Variants in INPP5A observed in about 807,000 individuals in gnomAD.
INPP5A encodes the protein 43 kDa inositol polyphosphate 5-phophatase.
Under a neutral mutation model 65.2 loss-of-function variants are expected in INPP5A, and 14 were observed. The ratio of observed to expected loss-of-function variants is 0.21; its 90% confidence interval spans 0.14 to 0.34. The LOEUF (loss-of-function observed/expected upper bound fraction) is 0.34, where lower values mean the gene tolerates loss of function less well. Ranked by LOEUF, INPP5A falls within the 10% of genes least tolerant of loss-of-function variation. The probability of loss-of-function intolerance (pLI) is 1.00; values close to 1 mark genes in which losing one functional copy is unlikely to be tolerated. For missense variants in INPP5A, 431 were observed against 545.6 expected, an observed-to-expected ratio of 0.79 and a Z score of 2.09; for synonymous variants, 207 against 208.3, an observed-to-expected ratio of 0.99 and a Z score of 0.05.
At chr10:132,692,792 A>G (rs1175163649) in intron 5 of INPP5A, among the ~76,000 whole-genome samples, 2 of 152,242 alleles carry the variant, frequency 1.3e-5, no homozygotes, top group African/African-American at 4.8e-5. Flanking sequence ...AAGAAATGCT[A>G]AAAGAAGCTC....
At position 132,697,913 on chromosome 10, in the gene INPP5A, C is replaced by A; in HGVS notation, c.468C>A (p.Phe156Leu). The change falls in exon 6 of 16, where the codon TTC (phenylalanine) becomes TTA (leucine). Residue 156 changes from phenylalanine to leucine, a missense_variant. Coordinates refer to ENST00000368594, the MANE Select transcript of INPP5A (RefSeq NM_005539.5). This position sits in a 1 kb window ranked among gnomAD's most constrained non-coding sequence, Gnocchi z 5.6. ...AGGAGAAGTTTCCGCAGGACTACTT[C>A]CCCGAGGTACGTAGCGAGGCTTTCT... Reference protein sequence around the residue: ...LEKEKFPQDYFPECKWSRKGF... With the variant: ...LEKEKFPQDYLPECKWSRKGF... 1 of 1,605,872 alleles carries A rather than the reference C, an allele frequency of 6.2e-7. No homozygotes were observed.
At chr10:132,611,966 A>G (rs1287579153) in intron 2 of INPP5A, among the ~76,000 whole-genome samples, 124 of 51,864 alleles carry the variant, frequency 2.4e-3, no homozygotes, top group African/African-American at 8.7e-3. Context: ...GGAGGTGAGG[A>G]GGGCAGGGGA....
chr10:132,567,784 A>G (rs754953240), intron 1 of INPP5A, among the ~76,000 whole-genome samples: 1 of 152,242 alleles, frequency 6.6e-6, no homozygotes, highest in Non-Finnish European at 1.5e-5. Context: ...TTCTCTACAT[A>G]TAAAGCTTAT....
chr10:132,617,315 T>C (rs913128712), intron 2 of INPP5A, among the ~76,000 whole-genome samples: 11 of 152,304 alleles, frequency 7.2e-5, no homozygotes, highest in African/African-American at 2.6e-4. Context: ...AAAGCCACCC[T>C]GTGGCTCTCT....
intron 1 of INPP5A, among the ~76,000 whole-genome samples, chr10:132,590,348 T>C (rs1013501332): frequency 1.9e-4 from 29 of 152,060 alleles, no homozygotes; most frequent in African/African-American, 6.5e-4. Flanking sequence ...GGAGGGACAG[T>C]GCGGCCTCCA....
At chr10:132,781,829 C>T (rs777124493) in intron 14 of INPP5A, 32 bp from the exon 15 acceptor site, 13 of 1,588,660 alleles carry the variant, frequency 8.2e-6, no homozygotes, top group African/African-American at 1.3e-5. Flanking sequence ...CCGCGTGCGC[C>T]GTGCTGACAC....
At chr10:132,567,603 G>A (rs1206737372) in intron 1 of INPP5A, among the ~76,000 whole-genome samples, 2 of 152,162 alleles carry the variant, frequency 1.3e-5, no homozygotes, top group African/African-American at 4.8e-5. Context: ...GGCTTTATTT[G>A]GGTTTTACCA....
chr10:132,772,567 A>G (rs111700285), intron 12 of INPP5A, among the ~76,000 whole-genome samples: 138 of 88,288 alleles, frequency 1.6e-3, no homozygotes, highest in African/African-American at 2.4e-3. Flanking sequence ...CACGGCAGCC[A>G]CCCCACGAGG....
At chr10:132,658,746 G>A (rs988107977) in intron 4 of INPP5A, among the ~76,000 whole-genome samples, 7 of 151,928 alleles carry the variant, frequency 4.6e-5, no homozygotes, top group Non-Finnish European at 8.8e-5. Context: ...AGGCTGGGTT[G>A]TATGTCTCTT....
intron 4 of INPP5A, among the ~76,000 whole-genome samples, chr10:132,672,135 T>C (rs1459148549): frequency 5.3e-5 from 8 of 152,244 alleles, no homozygotes; most frequent in Non-Finnish European, 1.0e-4. Context: ...GTGACATTCT[T>C]TTGCTAAAAA....
intron 8 of INPP5A, among the ~76,000 whole-genome samples, chr10:132,717,317 G>T (rs528794629): frequency 6.6e-6 from 1 of 151,862 alleles, no homozygotes; most frequent in East Asian, 1.9e-4. Context: ...GACTCACTGG[G>T]TGGGGAAGTC....
chr10:132,626,947 T>A (rs1169000104), intron 2 of INPP5A, among the ~76,000 whole-genome samples: 1 of 152,090 alleles, frequency 6.6e-6, no homozygotes, highest in Non-Finnish European at 1.5e-5. Context: ...TAGACCAAAT[T>A]GTGTCCCCCC....
At chr10:132,688,973 G>C (rs1301095872) in intron 4 of INPP5A, among the ~76,000 whole-genome samples, 5 of 152,004 alleles carry the variant, frequency 3.3e-5, no homozygotes, top group African/African-American at 1.2e-4. Flanking sequence ...GTGTGCATGA[G>C]TGTATGTGTG....
intron 4 of INPP5A, among the ~76,000 whole-genome samples, chr10:132,672,327 C>T (rs974371452): frequency 2.0e-5 from 3 of 152,204 alleles, no homozygotes; most frequent in East Asian, 1.9e-4. Context: ...TGGGAGGGGT[C>T]GGGATGGAAT....
chr10:132,559,789 C>T (rs1202174050), intron 1 of INPP5A, among the ~76,000 whole-genome samples: 1 of 152,236 alleles, frequency 6.6e-6, no homozygotes, highest in African/African-American at 2.4e-5. Context: ...GTTCCAGGGA[C>T]TCCACTTACT....
chr10:132,691,898 C>T (rs1420227095), intron 5 of INPP5A, among the ~76,000 whole-genome samples: 4 of 149,086 alleles, frequency 2.7e-5, no homozygotes, highest in Non-Finnish European at 4.5e-5. Context: ...GGGAGACATG[C>T]GGTCGCGGGA....
At position 132,603,260 on chromosome 10, in the gene INPP5A, C is replaced by G. The variant is rs2071800088; in HGVS notation, c.76-4655C>G. On this transcript the variant is annotated intron_variant, in intron 1 of 15. Transcript: ENST00000368594. The surrounding 1 kb of genome is among the most constrained non-coding windows in gnomAD (Gnocchi z 4.2). The stretch of plus-strand genomic sequence containing the variant: ...TCTCTATTAGGGGCTGTATAGCAAA[C>G]ACGCTAAAGATCATCTCAGTTTTTT... 6.6e-6 allele frequency among the ~76,000 whole-genome samples: 1 copy of G among 152,160 alleles called. No individual in the cohort carries two copies. Among genetic ancestry groups the G allele is most frequent in the Non-Finnish European group, 1.5e-5 (1 of 68,032 alleles).
At chr10:132,638,061 G>A (rs1218983410) in intron 2 of INPP5A, among the ~76,000 whole-genome samples, 2 of 152,184 alleles carry the variant, frequency 1.3e-5, no homozygotes, top group Non-Finnish European at 2.9e-5. Context: ...AGTGATTGGG[G>A]TCTGGGAGTT....
intron 9 of INPP5A, among the ~76,000 whole-genome samples, chr10:132,728,936 T>C (rs1397162568): frequency 3.3e-5 from 5 of 151,362 alleles, no homozygotes; most frequent in African/African-American, 7.3e-5. Flanking sequence ...GTGGGGCTTG[T>C]GTGGCCGCTC....
Sources: gnomAD v4.1 joint callset for allele counts (sites outside exome capture counted in the v4.1 genomes callset) on GRCh38, gnomAD v4.1.1 for gene constraint, Gnocchi (gnomAD v3.1) non-coding constraint, MANE v1.5 for transcripts, NCBI Gene and HGNC (gene_info 2026-07-23, HGNC 2026-07-21) for gene names.